Variants in BDP1 observed in about 807,000 individuals in gnomAD.
BDP1 encodes the protein BDP1 general transcription factor IIIB subunit.
A neutral mutation model predicts 266.6 loss-of-function variants in BDP1; 169 were observed. That is an observed-to-expected ratio of 0.63 (90% CI 0.56 to 0.72). The LOEUF is 0.72. Among genes scored for constraint, BDP1 ranks in the 30% least tolerant of loss-of-function variants. BDP1 has a pLI of 0.00. For synonymous variants in BDP1, 1,090 were observed against 1,022.4 expected (o/e 1.07, Z -1.26); for missense variants, 3,015 against 3,053.8 (o/e 0.99, Z 0.30).
intron 35 of BDP1, among the ~76,000 whole-genome samples, chr5:71,555,013 G>A (rs1428081409): frequency 6.6e-6 from 1 of 152,150 alleles, no homozygotes; most frequent in Non-Finnish European, 1.5e-5. Context: ...CGGATTTTCA[G>A]CTTTGGGATG....
At chr5:71,494,174 G>C (rs1256711821) in intron 11 of BDP1, among the ~76,000 whole-genome samples, 1 of 151,966 alleles carries the variant, frequency 6.6e-6, no homozygotes, top group Admixed American at 6.6e-5. Context: ...GTAATATCTA[G>C]ACAATAAAAA....
intron 12 of BDP1, 83 bp from the exon 13 acceptor site, chr5:71,497,187 C>T: frequency 7.8e-7 from 1 of 1,278,768 alleles, no homozygotes; most frequent in East Asian, 2.3e-5. Flanking sequence ...AGGAGTTCTT[C>T]CTAATTCTCA....
intron 26 of BDP1, among the ~76,000 whole-genome samples, chr5:71,535,106 T>A (rs1226816739): frequency 6.6e-6 from 1 of 152,258 alleles, no homozygotes; most frequent in East Asian, 1.9e-4. Context: ...GTTTTACTTC[T>A]TTCTGTATTA....
At chr5:71,504,600 A>G in intron 15 of BDP1, 21 bp from the exon 16 acceptor site, 6 of 1,592,240 alleles carry the variant, frequency 3.8e-6, no homozygotes, top group Non-Finnish European at 3.4e-6. Flanking sequence ...AAAACATTAG[A>G]AAAATTTGTT....
At chr5:71,480,173 C>G (rs1050684482) in intron 7 of BDP1, among the ~76,000 whole-genome samples, 1 of 147,574 alleles carries the variant, frequency 6.8e-6, no homozygotes, top group African/African-American at 2.5e-5. Context: ...TGCAGTGGTG[C>G]TGTCTCAACT....
chr5:71,462,813 C>A (rs1356486324), intron 3 of BDP1, among the ~76,000 whole-genome samples: 1 of 152,006 alleles, frequency 6.6e-6, no homozygotes, highest in Admixed American at 6.6e-5. Flanking sequence ...ATAGTGAAAC[C>A]AACTAAGCCA....
intron 14 of BDP1, among the ~76,000 whole-genome samples, chr5:71,502,277 C>T (rs538484755): frequency 6.0e-5 from 9 of 150,190 alleles, no homozygotes; most frequent in East Asian, 5.9e-4. Context: ...CGGTTTCAAG[C>T]GATTCTTCTG....
chr5:71,548,700 C>G lies in BDP1; in HGVS notation c.6763C>G (p.Pro2255Ala), dbSNP rs754495523. The G allele has an allele frequency of 1.2e-6, 2 of 1,607,572 alleles. No homozygotes were observed. The highest frequency in any genetic ancestry group is 8.5e-7 in the Non-Finnish European group (1 of 1,174,724). Residue 2255 changes from proline (P) to alanine (A), a missense_variant, in exon 33 of 39, where the codon CCA becomes GCA. By Grantham distance (27) the Pro-to-Ala change is conservative. Coordinates refer to ENST00000358731, the MANE Select transcript of BDP1 (RefSeq NM_018429.3). ...PVPEYTPTSI[P>A]EVQQENIINP... ...ATGGCAGTATACACCAACAAGTATTCCAGAAGTCCAACAAGAGAATATAAT... is the reference window on the plus strand; with the variant it reads ...ATGGCAGTATACACCAACAAGTATTGCAGAAGTCCAACAAGAGAATATAAT...
chr5:71,539,240 A>G (rs1766813517), intron 27 of BDP1, among the ~76,000 whole-genome samples, 162 bp downstream of exon 27: 1 of 152,188 alleles, frequency 6.6e-6, no homozygotes, highest in Admixed American at 6.5e-5. Flanking sequence ...TTGGAATGTT[A>G]TTTTAGAAGG....
At chr5:71,461,954 A>ATC (rs1428403586) in intron 3 of BDP1, 28 bp downstream of exon 3, 16 of 871,702 alleles carry the variant, frequency 1.8e-5, no homozygotes, top group Admixed American at 7.3e-5. Context: ...CTGCTTTACT[A>ATC]TCTCTTTTTT....
rs1464847618 is a variant in BDP1 at position 71,566,977 on chromosome 5, C to T, written c.*2092C>T. The stretch of plus-strand genomic sequence containing the variant: ...TTTATTGAAACTACTGCTGTTAGAG[C>T]ACTTCTTATTCATTGTCTTTTAGTG... On this transcript the variant is annotated 3_prime_UTR_variant, in exon 39 of 39. Transcript: ENST00000358731. 6.6e-6 allele frequency: 1 copy of T among 152,120 alleles called. No homozygotes were observed. The highest frequency in any genetic ancestry group is 2.1e-4 in the South Asian group (1 of 4,830). The allele number at this position is 152,120 out of a possible 1,614,324, so 9.4% of individuals were successfully genotyped here.
Position 71,495,406 on chromosome 5 carries a change from A to G in BDP1, c.1797A>G (p.Ser599=). The part of the protein sequence containing the change: ...EERNVDLKNN[S]LEIDQTENVK... The stretch of plus-strand genomic sequence containing the variant: ...GAAATGTTGACCTAAAAAATAATTC[A>G]CTGTAAGTATTTTATACGATAGGAT... The change falls in exon 12 of 39, where the codon TCA becomes TCG. Residue 599 remains serine (S), a splice_region_variant and synonymous_variant. Coordinates refer to ENST00000358731, the MANE Select transcript of BDP1 (RefSeq NM_018429.3). 1 of 1,562,692 alleles carries G rather than the reference A, an allele frequency of 6.4e-7. No homozygotes were observed. Among genetic ancestry groups the G allele is most frequent in the Non-Finnish European group, 8.7e-7 (1 of 1,148,616 alleles).
At chr5:71,515,277 T>C (rs1403311654) in intron 20 of BDP1, among the ~76,000 whole-genome samples, 155 bp downstream of exon 20, 1 of 152,308 alleles carries the variant, frequency 6.6e-6, no homozygotes, top group East Asian at 1.9e-4. Context: ...AAATATAATA[T>C]CAGATTGAAT....
intron 7 of BDP1, among the ~76,000 whole-genome samples, chr5:71,480,588 A>G (rs1316734678): frequency 7.5e-6 from 1 of 133,954 alleles, no homozygotes; most frequent in Non-Finnish European, 1.6e-5. Flanking sequence ...TTTTTTTGAG[A>G]TGGAATCTCA....
downstream of BDP1, among the ~76,000 whole-genome samples, chr5:71,572,394 C>T (rs950505194): frequency 1.3e-5 from 2 of 152,284 alleles, no homozygotes; most frequent in Middle Eastern, 3.4e-3. Flanking sequence ...CGTCCAAACA[C>T]AGGGGCTTCG....
rs755868618 is a variant in BDP1 at position 71,509,996 on chromosome 5, G to A, written c.2904G>A (p.Glu968=). ...CTGGAAATGAGAGTTCCCCAAGGGA[G>A]AAGACACCAGAGGTGACTGATGCCA... ...KATGNESSPR[E]KTPEVTDATE... The change falls in exon 17 of 39, where the codon GAG becomes GAA. Residue 968 remains glutamate, a synonymous_variant. Transcript: ENST00000358731. 3 of 1,613,762 alleles carry A rather than the reference G, an allele frequency of 1.9e-6. No homozygotes were observed. The highest frequency in any genetic ancestry group is 2.5e-6 in the Non-Finnish European group (3 of 1,179,978).
chr5:71,484,400 A>G (rs1401046456), intron 8 of BDP1, among the ~76,000 whole-genome samples: 2 of 152,120 alleles, frequency 1.3e-5, no homozygotes, highest in East Asian at 3.9e-4. Flanking sequence ...TGGCGGAAGA[A>G]ATATAGTTGA....
intron 24 of BDP1, among the ~76,000 whole-genome samples, chr5:71,523,510 C>T (rs1399464435): frequency 6.6e-6 from 1 of 152,108 alleles, no homozygotes; most frequent in Non-Finnish European, 1.5e-5. Context: ...GATCAGGTTT[C>T]ACCATGTTGG....
At chr5:71,503,486 A>G (rs1255844216) in intron 15 of BDP1, among the ~76,000 whole-genome samples, 4 of 152,210 alleles carry the variant, frequency 2.6e-5, no homozygotes. Context: ...GTTTGAATTA[A>G]TCTTTTGTTT....
Sources: allele counts gnomAD v4.1 joint callset (sites outside exome capture counted in the v4.1 genomes callset), GRCh38; gene constraint gnomAD v4.1.1; transcripts MANE v1.5; gene names NCBI Gene and HGNC (gene_info 2026-07-23, HGNC 2026-07-21).